The following PHACTR3 variants were observed in gnomAD, a reference collection of about 807,000 sequenced individuals.
The protein encoded by PHACTR3 is protein phosphatase 1, regulatory subunit 123.
In PHACTR3, 16 loss-of-function variants were observed where a neutral mutation model predicts 66.8. That is an observed-to-expected ratio of 0.24 (90% CI 0.16 to 0.36). The LOEUF (loss-of-function observed/expected upper bound fraction) is 0.36, where lower values mean the gene tolerates loss of function less well. Among genes scored for constraint, PHACTR3 ranks in the 10% least tolerant of loss-of-function variants. The probability of loss-of-function intolerance (pLI) is 1.00; values close to 1 mark genes in which losing one functional copy is unlikely to be tolerated. For synonymous variants in PHACTR3, 323 were observed against 292.1 expected (o/e 1.11, Z -1.08); for missense variants, 647 against 719.9 (o/e 0.90, Z 1.16).
chr20:59,760,051 A>G (rs1324905343), intron 4 of PHACTR3, among the ~76,000 whole-genome samples: 2 of 151,956 alleles, frequency 1.3e-5, no homozygotes, highest in African/African-American at 2.4e-5. Context: ...CAAACCTCCC[A>G]TGAGCTTTGC....
At chr20:59,713,354 T>C (rs1033665408) in intron 1 of PHACTR3, among the ~76,000 whole-genome samples, 5 of 152,210 alleles carry the variant, frequency 3.3e-5, no homozygotes, top group African/African-American at 1.2e-4. Flanking sequence ...TCTTTTAATG[T>C]AAAAAAATTT....
chr20:59,811,704 G>C (rs1042928562), intron 8 of PHACTR3, among the ~76,000 whole-genome samples: 2 of 151,668 alleles, frequency 1.3e-5, no homozygotes, highest in African/African-American at 4.9e-5. Flanking sequence ...ATGGAGCAGT[G>C]GGGGGTTGGA....
chr20:59,621,529 C>G (rs990008680), intron 1 of PHACTR3, among the ~76,000 whole-genome samples: 4 of 152,232 alleles, frequency 2.6e-5, no homozygotes, highest in Non-Finnish European at 5.9e-5. Flanking sequence ...ATTTCTGGTC[C>G]ATGATAAGAT....
At chr20:59,603,980 G>A (rs566694520), upstream of PHACTR3, 580 of 152,406 alleles carry the variant, frequency 3.8e-3, 6 homozygotes, top group Non-Finnish European at 5.9e-3. Context: ...CGCCTCCCTT[G>A]CCTGGCCCCT....
At chr20:59,622,237 G>A (rs952017450) in intron 1 of PHACTR3, among the ~76,000 whole-genome samples, 2 of 151,964 alleles carry the variant, frequency 1.3e-5, no homozygotes, top group African/African-American at 4.8e-5. Flanking sequence ...CCTCCTGCAG[G>A]GAGCTGGAGC....
At chr20:59,763,647 G>A (rs1318065328) in intron 4 of PHACTR3, among the ~76,000 whole-genome samples, 1 of 152,192 alleles carries the variant, frequency 6.6e-6, no homozygotes, top group Non-Finnish European at 1.5e-5. Flanking sequence ...CAGAGAAATG[G>A]AATCAGTTCT....
intron 3 of PHACTR3, among the ~76,000 whole-genome samples, 169 bp from the exon 4 acceptor site, chr20:59,755,013 C>A (rs1310888701): frequency 6.6e-6 from 1 of 152,110 alleles, no homozygotes; most frequent in Non-Finnish European, 1.5e-5. Flanking sequence ...CAGGGCTCCC[C>A]TGGAAAGTCC....
intron 1 of PHACTR3, among the ~76,000 whole-genome samples, chr20:59,625,746 G>A (rs533941974): frequency 2.0e-5 from 3 of 152,208 alleles, no homozygotes; most frequent in South Asian, 2.1e-4. Context: ...TGCATGCACC[G>A]TCTCTGTCTT....
intron 8 of PHACTR3, among the ~76,000 whole-genome samples, chr20:59,811,024 A>G (rs1031369741): frequency 6.6e-6 from 1 of 152,200 alleles, no homozygotes; most frequent in Non-Finnish European, 1.5e-5. Flanking sequence ...CGTCTGCCTT[A>G]CTTTCTTTCA....
chr20:59,830,741 T>G lies in PHACTR3; in HGVS notation c.1329-5764T>G, dbSNP rs1304726752. 6.6e-6 allele frequency among the ~76,000 whole-genome samples: 1 copy of G among 152,154 alleles called. No individual in the cohort carries two copies. Among genetic ancestry groups the G allele is most frequent in the Non-Finnish European group, 1.5e-5 (1 of 68,018 alleles). On this transcript the variant is annotated intron_variant, in intron 8 of 12. Transcript: ENST00000371015. The surrounding 1 kb of genome is among the most constrained non-coding windows in gnomAD (Gnocchi z 5.8). ...GTGTTCTCGACTCTCCCAGCATCCC[T>G]GTGGGTTTTGTTGGCAGGTGTTCAC...
At chr20:59,644,117 G>T (rs1225747312) in intron 1 of PHACTR3, among the ~76,000 whole-genome samples, 1 of 152,106 alleles carries the variant, frequency 6.6e-6, no homozygotes, top group Non-Finnish European at 1.5e-5. Context: ...GAGGCTTCTG[G>T]TATAGTGGGG....
chr20:59,659,264 T>C (rs1418064157), intron 1 of PHACTR3, among the ~76,000 whole-genome samples: 2 of 152,120 alleles, frequency 1.3e-5, no homozygotes, highest in African/African-American at 4.8e-5. Context: ...TAGTTTATAC[T>C]ACATGTCAGG....
intron 1 of PHACTR3, among the ~76,000 whole-genome samples, chr20:59,674,405 C>G (rs567656734): frequency 2.0e-5 from 3 of 150,758 alleles, no homozygotes; most frequent in Non-Finnish European, 3.0e-5. Flanking sequence ...CCTCCTTCTC[C>G]TGTTCCTTCC....
intron 1 of PHACTR3, among the ~76,000 whole-genome samples, chr20:59,648,181 A>C (rs564693544): frequency 1.3e-5 from 2 of 152,336 alleles, no homozygotes; most frequent in Admixed American, 6.5e-5. Flanking sequence ...ACAGGGTCTA[A>C]TTATACTGTT....
chr20:59,819,660 C>T (rs1263462781), intron 8 of PHACTR3, among the ~76,000 whole-genome samples: 1 of 152,178 alleles, frequency 6.6e-6, no homozygotes, highest in East Asian at 1.9e-4. Context: ...CGGTGCTGTC[C>T]CAGTACTGGC....
In PHACTR3 at chr20:59,836,861, C is replaced by T. The variant is rs11698627; in HGVS notation, c.1384+301C>T. On this transcript the variant is annotated intron_variant, in intron 9 of 12. Transcript: ENST00000371015. Reference sequence around the variant, plus strand: ...AGCAGGTCTTCCTGGCAGTTTGGGTCGGGGTTCTTCATGGCTATAGAAATC... The same window carrying T: ...AGCAGGTCTTCCTGGCAGTTTGGGTTGGGGTTCTTCATGGCTATAGAAATC... 8.2e-3 allele frequency among the ~76,000 whole-genome samples: 1,246 copies of T among 152,222 alleles called. 9 individuals carry two copies. Among genetic ancestry groups the T allele is most frequent in the Non-Finnish European group, 0.014 (973 of 68,016 alleles).
rs1275388562 is a variant in PHACTR3, at chr20:59,847,173, C to CAACA, written c.*44_*47dup. The CAACA allele has an allele frequency of 5.0e-6, 7 of 1,406,550 alleles. No individual in the cohort carries two copies. Among genetic ancestry groups the CAACA allele is most frequent in the Non-Finnish European group, 6.0e-6 (6 of 1,001,758 alleles). The allele number at this position is 1,406,550 out of a possible 1,614,324, so 87.1% of individuals were successfully genotyped here. On this transcript the variant is annotated 3_prime_UTR_variant, in exon 13 of 13. Transcript: ENST00000371015. ...GAATTTGTGTTTAATTTTTTGATAC[C>CAACA]AACACTGAACATTCATCAGGGAACT...
At chr20:59,832,656 G>T (rs1265600264) in intron 8 of PHACTR3, among the ~76,000 whole-genome samples, 3 of 152,114 alleles carry the variant, frequency 2.0e-5, no homozygotes, top group Admixed American at 2.0e-4. Flanking sequence ...CTTCAGTGCC[G>T]CTCTGGGGTT....
At chr20:59,662,028 A>G (rs1001056187) in intron 1 of PHACTR3, among the ~76,000 whole-genome samples, 2 of 152,106 alleles carry the variant, frequency 1.3e-5, no homozygotes, top group African/African-American at 4.8e-5. Flanking sequence ...GACCCCATTT[A>G]GAGACAGGAA....
Sources: allele counts gnomAD v4.1 joint callset (sites outside exome capture counted in the v4.1 genomes callset), GRCh38; gene constraint gnomAD v4.1.1; non-coding constraint Gnocchi (gnomAD v3.1); transcripts MANE v1.5; gene names NCBI Gene and HGNC (gene_info 2026-07-23, HGNC 2026-07-21).